Variants in ST3GAL4 observed in about 807,000 individuals in gnomAD.
ST3GAL4 encodes CMP-N-acetylneuraminate-beta-galactosamide-alpha-2,3-sialyltransferase 4.
ST3GAL4 carries 24 observed loss-of-function variants against 42.6 expected under a neutral mutation model. The observed-to-expected ratio is 0.56, with a 90% CI of 0.41 to 0.79. The LOEUF (loss-of-function observed/expected upper bound fraction) is 0.79, where lower values mean the gene tolerates loss of function less well. Among genes scored for constraint, ST3GAL4 ranks in the 30% least tolerant of loss-of-function variants. ST3GAL4 has a pLI of 0.00. For synonymous variants in ST3GAL4, 135 were observed against 163.2 expected, an observed-to-expected ratio of 0.83 and a Z score of 1.32; for missense variants, 311 against 430.8, an observed-to-expected ratio of 0.72 and a Z score of 2.46.
rs1011007425 is a variant in ST3GAL4 at position 126,411,830 on chromosome 11, C to A, written c.772-1675C>A. 9.9e-5 allele frequency among the ~76,000 whole-genome samples: 15 copies of A among 151,980 alleles called. No homozygotes were observed. Among genetic ancestry groups the A allele is most frequent in the Non-Finnish European group, 2.1e-4 (14 of 68,018 alleles). On this transcript the variant is annotated intron_variant, in intron 9 of 10. Transcript: ENST00000444328. The surrounding 1 kb of genome is among the most constrained non-coding windows in gnomAD (Gnocchi z 6.3). ...CCTTTCTGTGCTTCAAATCTCTGAC[C>A]TCCGTTTCTGATCTTGACACCCGGA...
rs986475415 is a variant in ST3GAL4 at position 126,384,322 on chromosome 11, G to C, written c.-60-21774G>C. ...CGGTGCTCCAAGACACTCAAAACCA[G>C]AGCTGAGAGCCTGAATTCAGAGGCT... On this transcript the variant is annotated intron_variant, in intron 1 of 10. Transcript: ENST00000444328. The surrounding 1 kb of genome is among the most constrained non-coding windows in gnomAD (Gnocchi z 5.5). Among the ~76,000 whole-genome samples the C allele has an allele frequency of 2.6e-5, 4 of 152,184 alleles. No individual in the cohort carries two copies. Among genetic ancestry groups the C allele is most frequent in the Non-Finnish European group, 5.9e-5 (4 of 68,050 alleles).
intron 1 of ST3GAL4, among the ~76,000 whole-genome samples, chr11:126,360,896 A>C (rs1368525347): frequency 6.6e-6 from 1 of 152,240 alleles, no homozygotes; most frequent in East Asian, 1.9e-4. Flanking sequence ...AAAGGGAAAA[A>C]GTTTCCCTTT....
chr11:126,409,450 G>A lies in ST3GAL4; in HGVS notation c.771+39G>A. The A allele has an allele frequency of 6.2e-7, 1 of 1,613,798 alleles. No homozygotes were observed. The highest frequency in any genetic ancestry group is 1.7e-4 in the Middle Eastern group (1 of 6,060). On this transcript the variant is annotated intron_variant, in intron 9 of 10. Transcript: ENST00000444328. This position sits in a 1 kb window ranked among gnomAD's most constrained non-coding sequence, Gnocchi z 4.9. The stretch of plus-strand genomic sequence containing the variant: ...GTCAGGCCTGAGGGCTAGGATCCTG[G>A]GCGGGAAGTAGGAGGGATGATCCTA...
chr11:126,410,025 C>A lies in ST3GAL4; in HGVS notation c.771+614C>A, dbSNP rs1254678700. ...TCAGGTGATCCTTCTGCCTCAGCCT[C>A]CTGAGTAGCTGTGAGACTACAGGTA... On this transcript the variant is annotated intron_variant, in intron 9 of 10. Coordinates refer to ENST00000444328, the MANE Select transcript of ST3GAL4 (RefSeq NM_001254757.2). The surrounding 1 kb of genome is among the most constrained non-coding windows in gnomAD (Gnocchi z 5.3). 6.6e-6 allele frequency among the ~76,000 whole-genome samples: 1 copy of A among 152,162 alleles called. No individual in the cohort carries two copies. The highest frequency in any genetic ancestry group is 2.4e-5 in the African/African-American group (1 of 41,444).
Position 126,376,243 on chromosome 11 carries a change from G to A in ST3GAL4, c.-61+20401G>A, listed in dbSNP as rs1250625031. Among the ~76,000 whole-genome samples, 1 of 152,174 alleles carries A rather than the reference G, an allele frequency of 6.6e-6. No homozygotes were observed. The highest frequency in any genetic ancestry group is 1.9e-4 in the East Asian group (1 of 5,198). ...GATAGTGGGCAATATTTGAAAGCCAGTAAATATAAAATAAAATATATTACC... is the reference window on the plus strand; with the variant it reads ...GATAGTGGGCAATATTTGAAAGCCAATAAATATAAAATAAAATATATTACC... On this transcript the variant is annotated intron_variant, in intron 1 of 10. Coordinates refer to ENST00000444328, the MANE Select transcript of ST3GAL4 (RefSeq NM_001254757.2). This position sits in a 1 kb window ranked among gnomAD's most constrained non-coding sequence, Gnocchi z 5.1.
At position 126,409,508 on chromosome 11, in the gene ST3GAL4, CAG is replaced by C; in HGVS notation, c.771+100_771+101del. ...AGGAAGCCCTGGAAGGATCCCATAA[CAG>C]AGGCGGCGGTTTGCATTTTCCCTCC... On this transcript the variant is annotated intron_variant, in intron 9 of 10. Coordinates refer to ENST00000444328, the MANE Select transcript of ST3GAL4 (RefSeq NM_001254757.2). The surrounding 1 kb of genome is among the most constrained non-coding windows in gnomAD (Gnocchi z 4.9). 2.0e-6 allele frequency: 3 copies of C among 1,533,154 alleles called. No homozygotes were observed. The East Asian group carries it at 6.8e-5, about 35-fold the overall frequency. The allele number at this position is 1,533,154 out of a possible 1,614,324, so 95.0% of individuals were successfully genotyped here. A position where few individuals can be genotyped will look rare whatever the true frequency, so the allele number is the denominator to read the frequency against.
At chr11:126,380,916 C>T (rs1298693003) in intron 1 of ST3GAL4, among the ~76,000 whole-genome samples, 1 of 152,222 alleles carries the variant, frequency 6.6e-6, no homozygotes, top group Non-Finnish European at 1.5e-5. Context: ...CAGGTGAGCA[C>T]ACAACAGCCT....
rs1954510863 is a variant in ST3GAL4 at position 126,411,227 on chromosome 11, C to T, written c.771+1816C>T. ...GTGGGGTGATCTTGGCTCACTGCAA[C>T]CTCTGCCTCCCAGGTTCAAGTGATT... On this transcript the variant is annotated intron_variant, in intron 9 of 10. Transcript: ENST00000444328. This position sits in a 1 kb window ranked among gnomAD's most constrained non-coding sequence, Gnocchi z 6.3. Among the ~76,000 whole-genome samples, 1 of 151,782 alleles carries T rather than the reference C, an allele frequency of 6.6e-6. No homozygotes were observed. The highest frequency in any genetic ancestry group is 2.4e-5 in the African/African-American group (1 of 41,302).
chr11:126,392,303 A>T lies in ST3GAL4; in HGVS notation c.-60-13793A>T. The stretch of plus-strand genomic sequence containing the variant: ...GCCTGCAGCTCTCCTGGGACTGCAC[A>T]GAGTTTACTGTCGGACATCAGTTCT... On this transcript the variant is annotated intron_variant, in intron 1 of 10. Coordinates refer to ENST00000444328, the MANE Select transcript of ST3GAL4 (RefSeq NM_001254757.2). This position sits in a 1 kb window ranked among gnomAD's most constrained non-coding sequence, Gnocchi z 5.8. The T allele has an allele frequency of 6.1e-6, 6 of 985,832 alleles. No homozygotes were observed. The highest frequency in any genetic ancestry group is 7.2e-6 in the Non-Finnish European group (6 of 829,858). 61.1% of individuals were successfully genotyped at this position (985,832 alleles called of 1,614,324 possible). A position where few individuals can be genotyped will look rare whatever the true frequency, so the allele number is the denominator to read the frequency against.
In ST3GAL4 at chr11:126,406,938, T is replaced by C; in HGVS notation, c.102-5T>C. 1 of 1,613,864 alleles carries C rather than the reference T, an allele frequency of 6.2e-7. No individual in the cohort carries two copies. The highest frequency in any genetic ancestry group is 8.5e-7 in the Non-Finnish European group (1 of 1,179,878). On this transcript the variant is annotated splice_polypyrimidine_tract_variant and splice_region_variant and intron_variant, in intron 3 of 10. Transcript: ENST00000444328. This position sits in a 1 kb window ranked among gnomAD's most constrained non-coding sequence, Gnocchi z 5.4. ...CTTCTGCCTCCTGTCCTTTTTTCTC[T>C]CCAGTTTTTATTTTCCCATCCCAGA...
rs2135365113 is a variant in ST3GAL4, at chr11:126,359,145, C to T, written c.-61+3303C>T. Among the ~76,000 whole-genome samples the T allele has an allele frequency of 6.6e-6, 1 of 152,282 alleles. No homozygotes were observed. Among genetic ancestry groups the T allele is most frequent in the Middle Eastern group, 3.4e-3 (1 of 294 alleles). ...GAGAGTGCTAAGGAATGCTGGTCTG[C>T]AGCGACCCTACTTGTGCTCTGCGTC... On this transcript the variant is annotated intron_variant, in intron 1 of 10. Transcript: ENST00000444328. This position sits in a 1 kb window ranked among gnomAD's most constrained non-coding sequence, Gnocchi z 4.8.
chr11:126,385,298 G>A (rs1953183527), intron 1 of ST3GAL4, among the ~76,000 whole-genome samples: 2 of 151,816 alleles, frequency 1.3e-5, no homozygotes, highest in Non-Finnish European at 2.9e-5. Context: ...GACTACAGGC[G>A]CCCACCACCA....
At chr11:126,367,245 C>T (rs1227720886) in intron 1 of ST3GAL4, among the ~76,000 whole-genome samples, 1 of 152,178 alleles carries the variant, frequency 6.6e-6, no homozygotes, top group African/African-American at 2.4e-5. Flanking sequence ...GAGGCCTCCT[C>T]CCCCTCCCCT....
Position 126,391,432 on chromosome 11 carries a change from T to A in ST3GAL4, c.-60-14664T>A, listed in dbSNP as rs1953509403. Among the ~76,000 whole-genome samples the A allele has an allele frequency of 2.0e-5, 3 of 152,176 alleles. No homozygotes were observed. The highest frequency in any genetic ancestry group is 7.2e-5 in the African/African-American group (3 of 41,444). On this transcript the variant is annotated intron_variant, in intron 1 of 10. Coordinates refer to ENST00000444328, the MANE Select transcript of ST3GAL4 (RefSeq NM_001254757.2). This position sits in a 1 kb window ranked among gnomAD's most constrained non-coding sequence, Gnocchi z 5.5. ...GGTCTGTTCTGGAGTGGGGGTGCTG[T>A]TTCGGAGAGCGATGAATCAGGGGCT...
intron 1 of ST3GAL4, among the ~76,000 whole-genome samples, chr11:126,369,750 A>AC (rs1952572085): frequency 6.6e-6 from 1 of 152,162 alleles, no homozygotes; most frequent in African/African-American, 2.4e-5. Context: ...CATCAGTTTG[A>AC]AACAGTTAAG....
chr11:126,409,459 T>G lies in ST3GAL4; in HGVS notation c.771+48T>G, dbSNP rs758037696. On this transcript the variant is annotated intron_variant, in intron 9 of 10. Transcript: ENST00000444328. The surrounding 1 kb of genome is among the most constrained non-coding windows in gnomAD (Gnocchi z 4.9). ...GAGGGCTAGGATCCTGGGCGGGAAG[T>G]AGGAGGGATGATCCTATGGGCTTAG... is the stretch of plus-strand genomic sequence containing the variant. The G allele has an allele frequency of 1.2e-6, 2 of 1,612,870 alleles. No homozygotes were observed. The highest frequency in any genetic ancestry group is 1.3e-5 in the African/African-American group (1 of 74,858).
In ST3GAL4 at chr11:126,363,116, C is replaced by A. The variant is rs888008382; in HGVS notation, c.-61+7274C>A. ...GGGCTGGACTGAATGAGGGGCTGGC[C>A]GAGGAGCGGGTGTTGATGGAGTATG... On this transcript the variant is annotated intron_variant, in intron 1 of 10. Transcript: ENST00000444328. The surrounding 1 kb of genome is among the most constrained non-coding windows in gnomAD (Gnocchi z 4.6). Among the ~76,000 whole-genome samples the A allele has an allele frequency of 2.0e-5, 3 of 152,138 alleles. No homozygotes were observed. In the South Asian group the frequency reaches 6.2e-4, roughly 32 times the overall value.
rs542502230 is a variant in ST3GAL4 at position 126,391,053 on chromosome 11, C to T, written c.-60-15043C>T. On this transcript the variant is annotated intron_variant, in intron 1 of 10. Coordinates refer to ENST00000444328, the MANE Select transcript of ST3GAL4 (RefSeq NM_001254757.2). This position sits in a 1 kb window ranked among gnomAD's most constrained non-coding sequence, Gnocchi z 5.5. The stretch of plus-strand genomic sequence containing the variant: ...AGGCTGAATAATATTCCATTGTATG[C>T]GTAGACCACATTTTGTGGATCCGTT... Among the ~76,000 whole-genome samples, 22 of 152,166 alleles carry T rather than the reference C, an allele frequency of 1.4e-4. 1 individual carries two copies. Among genetic ancestry groups the T allele is most frequent in the Non-Finnish European group, 2.4e-4 (16 of 68,028 alleles).
chr11:126,409,492 T>C lies in ST3GAL4; in HGVS notation c.771+81T>C. On this transcript the variant is annotated intron_variant, in intron 9 of 10. Coordinates refer to ENST00000444328, the MANE Select transcript of ST3GAL4 (RefSeq NM_001254757.2). This position sits in a 1 kb window ranked among gnomAD's most constrained non-coding sequence, Gnocchi z 4.9. Reference sequence around the variant, plus strand: ...ATGATCCTATGGGCTTAGGAAGCCCTGGAAGGATCCCATAACAGAGGCGGC... The same window carrying C: ...ATGATCCTATGGGCTTAGGAAGCCCCGGAAGGATCCCATAACAGAGGCGGC... 1.3e-6 allele frequency: 2 copies of C among 1,577,512 alleles called. No individual in the cohort carries two copies. Among genetic ancestry groups the C allele is most frequent in the Non-Finnish European group, 8.7e-7 (1 of 1,152,970 alleles).
Sources: gnomAD v4.1 joint callset for allele counts (sites outside exome capture counted in the v4.1 genomes callset) on GRCh38, gnomAD v4.1.1 for gene constraint, Gnocchi (gnomAD v3.1) non-coding constraint, MANE v1.5 for transcripts, NCBI Gene and HGNC (gene_info 2026-07-23, HGNC 2026-07-21) for gene names.